The following HMGA2 variants were observed in gnomAD, a reference collection of about 807,000 sequenced individuals.
HMGA2 encodes high mobility group AT-hook 2.
HMGA2 carries 8 observed loss-of-function variants against 19.1 expected under a neutral mutation model. The observed-to-expected ratio is 0.42, with a 90% CI of 0.25 to 0.76. HMGA2 has a LOEUF of 0.76. HMGA2 is among the 30% of genes least tolerant of loss of function. The probability of loss-of-function intolerance (pLI) is 0.28; values close to 1 mark genes in which losing one functional copy is unlikely to be tolerated. For synonymous variants in HMGA2, 60 were observed against 48.8 expected, an observed-to-expected ratio of 1.23 and a Z score of -0.96; for missense variants, 109 against 136.3, an observed-to-expected ratio of 0.80 and a Z score of 1.00.
chr12:65,842,892 C>T (rs1180255467), intron 3 of HMGA2: 2 of 1,248,220 alleles, frequency 1.6e-6, no homozygotes, highest in East Asian at 3.0e-5. Context: ...CTCAAGAATA[C>T]AATGAAGTAA....
intron 3 of HMGA2, chr12:65,881,947 G>A: frequency 1.4e-6 from 1 of 700,812 alleles, no homozygotes; most frequent in Non-Finnish European, 2.6e-6. Flanking sequence ...TCCAATTGCG[G>A]GGGTTCCTCC....
At chr12:65,864,514 A>G (rs765295092) in intron 3 of HMGA2, among the ~76,000 whole-genome samples, 1 of 152,206 alleles carries the variant, frequency 6.6e-6, no homozygotes. Context: ...TTTTGTAGAT[A>G]GCACACATTC....
chr12:65,838,350 G>C lies in HMGA2; in HGVS notation c.199-169G>C, dbSNP rs1341118995. Among the ~76,000 whole-genome samples the C allele has an allele frequency of 2.8e-5, 4 of 143,682 alleles. No homozygotes were observed. In the East Asian group the frequency reaches 8.1e-4, roughly 29 times the overall value. The allele number at this position is 143,682 out of a possible 152,430, so 94.3% of individuals were successfully genotyped here. On this transcript the variant is annotated intron_variant, in intron 2 of 4. Coordinates refer to ENST00000403681, the MANE Select transcript of HMGA2 (RefSeq NM_003483.6). ...GAAGAAGAATCTACTCAGAAATGTG[G>C]AAAAAGATTAACCTTAGAGGAGACG...
chr12:65,889,427 G>T (rs1873810423), intron 3 of HMGA2, among the ~76,000 whole-genome samples: 1 of 152,110 alleles, frequency 6.6e-6, no homozygotes, highest in Admixed American at 6.5e-5. Context: ...TAAATATATT[G>T]TAAATACATA....
At chr12:65,918,790 G>A (rs1875199918) in intron 3 of HMGA2, among the ~76,000 whole-genome samples, 1 of 152,172 alleles carries the variant, frequency 6.6e-6, no homozygotes, top group Non-Finnish European at 1.5e-5. Context: ...AAGGGCAACA[G>A]AGAAATAGCT....
At chr12:65,883,982 C>T (rs1873551318) in intron 3 of HMGA2, among the ~76,000 whole-genome samples, 1 of 152,216 alleles carries the variant, frequency 6.6e-6, no homozygotes, top group South Asian at 2.1e-4. Context: ...TCTCTTGCCT[C>T]AGCCTCCCGG....
At chr12:65,876,276 T>C (rs1219503298) in intron 3 of HMGA2, among the ~76,000 whole-genome samples, 2 of 152,158 alleles carry the variant, frequency 1.3e-5, no homozygotes, top group African/African-American at 4.8e-5. Flanking sequence ...ACAGAATGGA[T>C]ACTGAGTTGC....
At chr12:65,960,831 T>C (rs1483890228) in intron 4 of HMGA2, among the ~76,000 whole-genome samples, 1 of 152,228 alleles carries the variant, frequency 6.6e-6, no homozygotes, top group East Asian at 1.9e-4. Flanking sequence ...TTAAGGACAG[T>C]TAAGGAAACA....
At chr12:65,844,974 G>A (rs1871173087) in intron 3 of HMGA2, among the ~76,000 whole-genome samples, 1 of 152,186 alleles carries the variant, frequency 6.6e-6, no homozygotes, top group South Asian at 2.1e-4. Flanking sequence ...AATGACAAAT[G>A]TAGAATCAGT....
intron 3 of HMGA2, among the ~76,000 whole-genome samples, chr12:65,948,210 T>C (rs1437081488): frequency 6.6e-6 from 1 of 152,198 alleles, no homozygotes; most frequent in Non-Finnish European, 1.5e-5. Context: ...CTAGCTTTCA[T>C]ATAGGAAATG....
chr12:65,893,658 C>G (rs1057047948), intron 3 of HMGA2, among the ~76,000 whole-genome samples: 2 of 152,144 alleles, frequency 1.3e-5, no homozygotes, highest in Non-Finnish European at 2.9e-5. Context: ...TCCTGCATTT[C>G]AGGGGGTGAA....
intron 3 of HMGA2, among the ~76,000 whole-genome samples, chr12:65,864,690 T>C (rs1398325845): frequency 6.6e-6 from 1 of 152,248 alleles, no homozygotes; most frequent in Admixed American, 6.5e-5. Context: ...AATGATTTTA[T>C]AGTGTTTCCA....
intron 3 of HMGA2, among the ~76,000 whole-genome samples, chr12:65,930,172 T>C (rs1451876927): frequency 6.6e-6 from 1 of 152,212 alleles, no homozygotes; most frequent in African/African-American, 2.4e-5. Flanking sequence ...AATGCTTCTT[T>C]CCTGTGAGCT....
At chr12:65,962,623 G>T (rs1366049183) in intron 4 of HMGA2, among the ~76,000 whole-genome samples, 4 of 152,174 alleles carry the variant, frequency 2.6e-5, no homozygotes, top group African/African-American at 4.8e-5. Flanking sequence ...GCACAGTGGT[G>T]TAGGGGTCAC....
chr12:65,899,803 C>T (rs1045023242), intron 3 of HMGA2, among the ~76,000 whole-genome samples: 1 of 152,174 alleles, frequency 6.6e-6, no homozygotes, highest in South Asian at 2.1e-4. Context: ...ATAGATATCC[C>T]ACTGCATCTT....
chr12:65,888,554 C>CTT (rs1180942808), intron 3 of HMGA2, among the ~76,000 whole-genome samples: 4,068 of 40,584 alleles, frequency 0.1, 1,640 homozygotes, highest in African/African-American at 0.13. Context: ...GTGGTGTGCT[C>CTT]TTTTTTTTTT....
intron 3 of HMGA2, among the ~76,000 whole-genome samples, chr12:65,879,291 T>TA (rs11410862): frequency 0.18 from 26,250 of 143,240 alleles, 4,732 homozygotes; most frequent in African/African-American, 0.47. Flanking sequence ...CCATACCAGC[T>TA]ATTTTTTTTT....
At chr12:65,834,054 T>C (rs1331673002) in intron 2 of HMGA2, among the ~76,000 whole-genome samples, 8 of 152,174 alleles carry the variant, frequency 5.3e-5, no homozygotes, top group African/African-American at 1.4e-4. Flanking sequence ...GAGAAAACTG[T>C]GATTCAAAGA....
chr12:65,842,554 A>C lies in HMGA2; in HGVS notation c.249+3985A>C, dbSNP rs932958159. 4.0e-5 allele frequency: 57 copies of C among 1,434,656 alleles called. 1 individual carries two copies. The Admixed American group carries it at 5.9e-4, about 15-fold the overall frequency. The allele number at this position is 1,434,656 out of a possible 1,614,324, so 88.9% of individuals were successfully genotyped here. ...TCAAGTTTAAGAACTGCTTATAAAT[A>C]ATACTAAAGAACATTTTAATTCTCT... On this transcript the variant is annotated intron_variant, in intron 3 of 4. Transcript: ENST00000403681.
Sources: allele counts gnomAD v4.1 joint callset (sites outside exome capture counted in the v4.1 genomes callset), GRCh38; gene constraint gnomAD v4.1.1; transcripts MANE v1.5; gene names NCBI Gene and HGNC (gene_info 2026-07-23, HGNC 2026-07-21).